PRKAG2: variants seen among roughly 807,000 people sequenced by gnomAD.
PRKAG2 encodes the protein 5'-AMP-activated protein kinase subunit gamma-2.
In PRKAG2, 26 loss-of-function variants were observed where a neutral mutation model predicts 69.6. The observed-to-expected ratio is 0.37, with a 90% CI of 0.27 to 0.52. The LOEUF (loss-of-function observed/expected upper bound fraction) is 0.52, where lower values mean the gene tolerates loss of function less well. Among genes scored for constraint, PRKAG2 ranks in the 20% least tolerant of loss-of-function variants. The pLI, the probability that PRKAG2 is intolerant of heterozygous loss-of-function variation, is 0.90. For synonymous variants in PRKAG2, 293 were observed against 285.0 expected (o/e 1.03, Z -0.28); for missense variants, 557 against 740.0 (o/e 0.75, Z 2.87).
intron 3 of PRKAG2, among the ~76,000 whole-genome samples, chr7:151,679,006 A>C (rs549815853): frequency 1.1e-4 from 17 of 152,014 alleles, no homozygotes; most frequent in Non-Finnish European, 2.4e-4. Context: ...TTTCCCCCAA[A>C]GGTCTTGAGA....
chr7:151,722,758 G>T (rs975685916), intron 3 of PRKAG2, among the ~76,000 whole-genome samples: 1 of 152,070 alleles, frequency 6.6e-6, no homozygotes, highest in Non-Finnish European at 1.5e-5. Context: ...CCCAGTCCCG[G>T]CTGTCACAGG....
chr7:151,576,379 C>T lies in PRKAG2; in HGVS notation c.938G>A (p.Ser313Asn), dbSNP rs748873027. The T allele has an allele frequency of 1.9e-6, 3 of 1,605,844 alleles. No homozygotes were observed. Among genetic ancestry groups the T allele is most frequent in the Admixed American group, 1.7e-5 (1 of 59,958 alleles). ...AGGCCCACACTGCTTACCTACAAAA[C>T]TTTGTTTTTTACTCTCCCACAGTGG... The part of the protein sequence containing the change: ...AAPLWESKKQ[S>N]FVGMLTITDF... The change falls in exon 7 of 16, where the codon AGT becomes AAT. Residue 313 changes from serine to asparagine, a missense_variant. By Grantham distance (46) the Ser-to-Asn change is conservative. Coordinates refer to ENST00000287878, the MANE Select transcript of PRKAG2 (RefSeq NM_016203.4).
At chr7:151,687,101 C>T (rs1343745823) in intron 3 of PRKAG2, among the ~76,000 whole-genome samples, 1 of 152,152 alleles carries the variant, frequency 6.6e-6, no homozygotes, top group East Asian at 1.9e-4. Flanking sequence ...CAAAACAAAA[C>T]AGAAATGGTG....
intron 1 of PRKAG2, among the ~76,000 whole-genome samples, chr7:151,840,188 G>A (rs750076399): frequency 2.6e-5 from 4 of 152,130 alleles, no homozygotes; most frequent in Admixed American, 6.5e-5. Context: ...TCATCTCCCC[G>A]GAGCTGGTGA....
At chr7:151,679,094 C>T (rs1466900342) in intron 3 of PRKAG2, among the ~76,000 whole-genome samples, 1 of 152,136 alleles carries the variant, frequency 6.6e-6, no homozygotes, top group East Asian at 1.9e-4. Context: ...TGTGGTTTAG[C>T]AGCTCTTCAG....
chr7:151,715,727 A>T (rs1445645923), intron 3 of PRKAG2, among the ~76,000 whole-genome samples: 2 of 152,094 alleles, frequency 1.3e-5, no homozygotes, highest in African/African-American at 4.8e-5. Context: ...AAGAAGAGAA[A>T]GATAGGGGGA....
chr7:151,782,772 C>T (rs1156487386), intron 2 of PRKAG2, among the ~76,000 whole-genome samples: 2 of 152,194 alleles, frequency 1.3e-5, no homozygotes, highest in Non-Finnish European at 2.9e-5. Context: ...GCTTGAACGT[C>T]AGATGAAGCC....
chr7:151,574,755 A>C, intron 8 of PRKAG2, 136 bp downstream of exon 8: 1 of 1,252,930 alleles, frequency 8.0e-7, no homozygotes, highest in South Asian at 1.6e-5. Flanking sequence ...ATAGATTTGG[A>C]AAATCACCAT....
chr7:151,621,143 T>C (rs1419724297), intron 5 of PRKAG2, among the ~76,000 whole-genome samples: 1 of 152,272 alleles, frequency 6.6e-6, no homozygotes, highest in Non-Finnish European at 1.5e-5. Flanking sequence ...ATTTTAAATG[T>C]AAGACTGATC....
rs138562733 is a variant in PRKAG2, at chr7:151,780,502, C to T, written c.466+650G>A. ...AGTAAACGCCATAAACTTTCTAGTT[C>T]GTGGTATATTTCATATTATCATCGA... On this transcript the variant is annotated intron_variant, in intron 3 of 15. Coordinates refer to ENST00000287878, the MANE Select transcript of PRKAG2 (RefSeq NM_016203.4). The surrounding 1 kb of genome is among the most constrained non-coding windows in gnomAD (Gnocchi z 4.2). 3.5e-4 allele frequency among the ~76,000 whole-genome samples: 54 copies of T among 152,304 alleles called. No homozygotes were observed. Among genetic ancestry groups the T allele is most frequent in the African/African-American group, 1.2e-3 (49 of 41,566 alleles).
chr7:151,757,583 G>C (rs1188242485), intron 3 of PRKAG2, among the ~76,000 whole-genome samples: 1 of 152,182 alleles, frequency 6.6e-6, no homozygotes, highest in African/African-American at 2.4e-5. Context: ...GCTAGTCTTG[G>C]AAACGGACAG....
intron 1 of PRKAG2, among the ~76,000 whole-genome samples, chr7:151,815,272 G>A (rs921383037): frequency 2.0e-5 from 3 of 152,184 alleles, no homozygotes; most frequent in Non-Finnish European, 4.4e-5. Context: ...CTGATTTTCT[G>A]TATTCTGATG....
chr7:151,647,880 A>G (rs1454725023), intron 4 of PRKAG2, among the ~76,000 whole-genome samples: 1 of 152,172 alleles, frequency 6.6e-6, no homozygotes, highest in Non-Finnish European at 1.5e-5. Flanking sequence ...CAATGAATGT[A>G]AAAATTAAGC....
At chr7:151,710,941 C>T (rs1426468854) in intron 3 of PRKAG2, among the ~76,000 whole-genome samples, 4 of 151,944 alleles carry the variant, frequency 2.6e-5, no homozygotes, top group African/African-American at 9.7e-5. Context: ...AAAGTACTAA[C>T]AGTGCTAGGC....
chr7:151,650,101 G>A (rs978647165), intron 4 of PRKAG2, among the ~76,000 whole-genome samples: 3 of 152,112 alleles, frequency 2.0e-5, no homozygotes, highest in Admixed American at 6.6e-5. Context: ...CGCGCCTATA[G>A]TCCCAGCTAC....
chr7:151,709,265 TTGTG>T (rs1839146104), intron 3 of PRKAG2, among the ~76,000 whole-genome samples: 2 of 151,638 alleles, frequency 1.3e-5, no homozygotes, highest in African/African-American at 4.9e-5. Flanking sequence ...ATGTGTGACA[TTGTG>T]TGACGATGAG....
chr7:151,614,695 T>G lies in PRKAG2; in HGVS notation c.754+17374A>C, dbSNP rs999504192. Reference sequence around the variant, plus strand: ...TGATGATCTGTGGCCCTAAGCCCACTTTGCCAGGACCGCTCCAGTTCAGCA... The same window carrying G: ...TGATGATCTGTGGCCCTAAGCCCACGTTGCCAGGACCGCTCCAGTTCAGCA... On this transcript the variant is annotated intron_variant, in intron 5 of 15. Coordinates refer to ENST00000287878, the MANE Select transcript of PRKAG2 (RefSeq NM_016203.4). This position sits in a 1 kb window ranked among gnomAD's most constrained non-coding sequence, Gnocchi z 4.4. Among the ~76,000 whole-genome samples the G allele has an allele frequency of 1.3e-5, 2 of 152,148 alleles. No homozygotes were observed. Among genetic ancestry groups the G allele is most frequent in the African/African-American group, 4.8e-5 (2 of 41,426 alleles).
rs1563762540 is a variant in PRKAG2 at position 151,861,527 on chromosome 7, C to CAAA, written c.114+14979_114+14980insTTT. Reference sequence around the variant, plus strand: ...TGGGTGACAGAATAAGACTCTGTCTCCAAAAAAAAAAAAAAAAAAAAGAAT... The same window carrying CAAA: ...TGGGTGACAGAATAAGACTCTGTCTCAAACAAAAAAAAAAAAAAAAAAAAGAAT... On this transcript the variant is annotated intron_variant, in intron 1 of 15. Coordinates refer to ENST00000287878, the MANE Select transcript of PRKAG2 (RefSeq NM_016203.4). 2.6e-4 allele frequency among the ~76,000 whole-genome samples: 16 copies of CAAA among 60,378 alleles called. 1 individual carries two copies. Among genetic ancestry groups the CAAA allele is most frequent in the East Asian group, 6.9e-4 (2 of 2,886 alleles). The allele number at this position is 60,378 out of a possible 152,430, so 39.6% of individuals were successfully genotyped here. A position where few individuals can be genotyped will look rare whatever the true frequency, so the allele number is the denominator to read the frequency against.
chr7:151,791,476 A>G lies in PRKAG2; in HGVS notation c.115-4935T>C, dbSNP rs1050705514. ...GTCTGCCGGCCACTCAGGCCCTCAC[A>G]GGACTGGGAGGACATTTAGGGGGCA... On this transcript the variant is annotated intron_variant, in intron 1 of 15. Transcript: ENST00000287878. Among the ~76,000 whole-genome samples, 11 of 152,316 alleles carry G rather than the reference A, an allele frequency of 7.2e-5. No individual in the cohort carries two copies. In the East Asian group the frequency reaches 2.1e-3, roughly 29 times the overall value.
Sources: gnomAD v4.1 joint callset for allele counts (sites outside exome capture counted in the v4.1 genomes callset) on GRCh38, gnomAD v4.1.1 for gene constraint, Gnocchi (gnomAD v3.1) non-coding constraint, MANE v1.5 for transcripts, NCBI Gene and HGNC (gene_info 2026-07-23, HGNC 2026-07-21) for gene names.